TANGO6: variants seen among roughly 807,000 people sequenced by gnomAD.
TANGO6 encodes the protein transport and Golgi organization protein 6 homolog.
TANGO6 carries 90 observed loss-of-function variants against 114.2 expected under a neutral mutation model. The observed-to-expected ratio is 0.79, with a 90% CI of 0.66 to 0.94. The LOEUF is 0.94. Ranked by LOEUF, TANGO6 falls within the 40% of genes least tolerant of loss-of-function variation. The pLI is 0.00. For synonymous variants in TANGO6, 477 were observed against 509.8 expected (o/e 0.94, Z 0.87); for missense variants, 1,274 against 1,315.3 (o/e 0.97, Z 0.49).
At chr16:69,060,224 C>T (rs867787556) in intron 17 of TANGO6, among the ~76,000 whole-genome samples, 1 of 151,986 alleles carries the variant, frequency 6.6e-6, no homozygotes, top group Non-Finnish European at 1.5e-5. Context: ...CACCATGTTG[C>T]CCAGGTTGCT....
chr16:69,065,765 T>C (rs9332431), intron 17 of TANGO6, among the ~76,000 whole-genome samples: 73,485 of 152,052 alleles, frequency 0.48, 18,339 homozygotes, highest in East Asian at 0.59. Flanking sequence ...CTGACCGTCC[T>C]GACGCTTTCA....
intron 12 of TANGO6, among the ~76,000 whole-genome samples, chr16:68,925,019 G>A (rs1042698730): frequency 2.0e-5 from 3 of 151,580 alleles, no homozygotes; most frequent in Non-Finnish European, 4.4e-5. Context: ...GCAAAGAGGG[G>A]TGGGTGGGAA....
At chr16:68,903,558 C>T (rs768148247) in intron 9 of TANGO6, among the ~76,000 whole-genome samples, 6 of 139,572 alleles carry the variant, frequency 4.3e-5, no homozygotes, top group Admixed American at 2.4e-4. Flanking sequence ...GTGGAAGTTA[C>T]AGTGAGCTGG....
intron 17 of TANGO6, among the ~76,000 whole-genome samples, chr16:69,055,945 A>T (rs544230195): frequency 6.6e-6 from 1 of 152,256 alleles, no homozygotes; most frequent in South Asian, 2.1e-4. Context: ...AGGCTGAGGC[A>T]GGAGAATTGC....
intron 14 of TANGO6, among the ~76,000 whole-genome samples, chr16:68,959,071 TAGGC>T (rs1963563577): frequency 6.6e-6 from 1 of 152,226 alleles, no homozygotes; most frequent in Non-Finnish European, 1.5e-5. Context: ...CCTGAAATTA[TAGGC>T]AGAGTGTTTA....
chr16:69,067,279 C>T (rs965554899), intron 17 of TANGO6, among the ~76,000 whole-genome samples: 17 of 151,762 alleles, frequency 1.1e-4, no homozygotes, highest in Non-Finnish European at 1.6e-4. Flanking sequence ...GAGGCCAAGA[C>T]GGGTGGATCA....
intron 13 of TANGO6, among the ~76,000 whole-genome samples, 175 bp downstream of exon 13, chr16:68,928,258 A>G (rs1417775658): frequency 6.6e-6 from 1 of 151,808 alleles, no homozygotes; most frequent in African/African-American, 2.4e-5. Context: ...TAGACACAGG[A>G]AAGACTTAAA....
chr16:68,904,387 T>C (rs1421432728), intron 9 of TANGO6, among the ~76,000 whole-genome samples: 2 of 152,212 alleles, frequency 1.3e-5, no homozygotes. Flanking sequence ...TAACATAGAA[T>C]GTTGTGGAGA....
At chr16:69,033,045 G>A (rs1597065751) in intron 16 of TANGO6, among the ~76,000 whole-genome samples, 1 of 151,858 alleles carries the variant, frequency 6.6e-6, no homozygotes, top group East Asian at 1.9e-4. Context: ...AATTAGCCCC[G>A]TGTGGTGGCA....
chr16:68,855,355 A>G (rs568349911), intron 1 of TANGO6, among the ~76,000 whole-genome samples: 38 of 150,958 alleles, frequency 2.5e-4, no homozygotes, highest in Non-Finnish European at 4.6e-4. Flanking sequence ...GCCAAGGCAG[A>G]CAGATCACCT....
At chr16:68,848,320 A>C (rs550637431) in intron 1 of TANGO6, among the ~76,000 whole-genome samples, 172 of 152,282 alleles carry the variant, frequency 1.1e-3, no homozygotes, top group Non-Finnish European at 1.8e-3. Flanking sequence ...TTCTATAAAA[A>C]ATATTATAGC....
intron 17 of TANGO6, among the ~76,000 whole-genome samples, chr16:69,081,089 G>C (rs773944257): frequency 2.0e-5 from 3 of 152,186 alleles, no homozygotes; most frequent in Non-Finnish European, 4.4e-5. Flanking sequence ...AGTGAGCCAA[G>C]AGTGCGCCAC....
chr16:69,081,219 T>C (rs1960460169), intron 17 of TANGO6, among the ~76,000 whole-genome samples: 1 of 151,992 alleles, frequency 6.6e-6, no homozygotes, highest in African/African-American at 2.4e-5. Context: ...GTACCTAAAA[T>C]AGTACCTGAC....
intron 16 of TANGO6, among the ~76,000 whole-genome samples, chr16:69,027,803 C>T (rs184202513): frequency 1.4e-5 from 2 of 146,802 alleles, no homozygotes; most frequent in East Asian, 2.0e-4. Context: ...TTTTTTGAGA[C>T]GAATTCTTGC....
intron 15 of TANGO6, among the ~76,000 whole-genome samples, chr16:69,009,993 G>C (rs182295331): frequency 6.6e-6 from 1 of 152,188 alleles, no homozygotes; most frequent in Non-Finnish European, 1.5e-5. Context: ...ATGACTGTGC[G>C]ATTGATGACC....
chr16:68,886,554 G>C (rs766060349), intron 7 of TANGO6, among the ~76,000 whole-genome samples: 1 of 151,988 alleles, frequency 6.6e-6, no homozygotes, highest in Non-Finnish European at 1.5e-5. Context: ...TGTTGCCCAG[G>C]CTGGAGTGCA....
chr16:68,925,704 T>C (rs143472540), intron 12 of TANGO6, among the ~76,000 whole-genome samples: 6 of 152,248 alleles, frequency 3.9e-5, no homozygotes, highest in African/African-American at 1.4e-4. Flanking sequence ...GTCATCTCAA[T>C]TTTCTACTAT....
intron 4 of TANGO6, among the ~76,000 whole-genome samples, chr16:68,874,791 T>C (rs532197522): frequency 2.0e-5 from 3 of 151,934 alleles, no homozygotes; most frequent in Non-Finnish European, 2.9e-5. Context: ...CTACTAAAAA[T>C]AGAAAGGAAT....
intron 14 of TANGO6, chr16:68,937,562 C>T (rs1282354729): frequency 6.6e-6 from 1 of 152,222 alleles, no homozygotes; most frequent in Admixed American, 6.5e-5. Context: ...TCCCCCAACC[C>T]CTGGCAACCA....
Sources: gnomAD v4.1 joint callset for allele counts (sites outside exome capture counted in the v4.1 genomes callset) on GRCh38, gnomAD v4.1.1 for gene constraint, MANE v1.5 for transcripts, NCBI Gene and HGNC (gene_info 2026-07-23, HGNC 2026-07-21) for gene names.